PDE6D: variants seen among roughly 807,000 people sequenced by gnomAD.
The protein encoded by PDE6D is phosphodiesterase 6D.
Under a neutral mutation model 21.9 loss-of-function variants are expected in PDE6D, and 10 were observed. That is an observed-to-expected ratio of 0.46 (90% confidence interval 0.28 to 0.78). The LOEUF (loss-of-function observed/expected upper bound fraction) is 0.78, where lower values mean the gene tolerates loss of function less well. PDE6D is among the 30% of genes least tolerant of loss of function. The probability of loss-of-function intolerance (pLI) is 0.12; values close to 1 mark genes in which losing one functional copy is unlikely to be tolerated. For synonymous variants in PDE6D, 59 were observed against 63.5 expected (o/e 0.93, Z 0.34); for missense variants, 139 against 184.8 (o/e 0.75, Z 1.44).
intron 1 of PDE6D, among the ~76,000 whole-genome samples, chr2:231,750,459 T>C (rs1408691405): frequency 6.6e-6 from 1 of 151,530 alleles, no homozygotes; most frequent in Non-Finnish European, 1.5e-5. Flanking sequence ...TGTGAAAATA[T>C]ATGTCTATTT....
At chr2:231,735,828 A>G (rs894889661) in intron 4 of PDE6D, among the ~76,000 whole-genome samples, 7 of 151,882 alleles carry the variant, frequency 4.6e-5, no homozygotes, top group African/African-American at 1.7e-4. Context: ...GTTCGAGACC[A>G]GCTTGACCAA....
intron 1 of PDE6D, among the ~76,000 whole-genome samples, chr2:231,776,192 G>A (rs1198159035): frequency 1.3e-5 from 2 of 151,918 alleles, no homozygotes; most frequent in Non-Finnish European, 2.9e-5. Flanking sequence ...GTGGTGGCAG[G>A]TGCCTGTAAT....
At chr2:231,770,124 G>T (rs2049003062) in intron 1 of PDE6D, among the ~76,000 whole-genome samples, 1 of 152,082 alleles carries the variant, frequency 6.6e-6, no homozygotes, top group African/African-American at 2.4e-5. Flanking sequence ...ACTTCGTTGT[G>T]GGATAAATTT....
At position 231,732,877 on chromosome 2, in the gene PDE6D, G is replaced by A. The variant is rs2048662859; in HGVS notation, c.*75C>T. ...GGTGTATGTGTCAAAAATCAAACGT[G>A]TGGAGGAAAAAAGTAAACAGTTTCC... On this transcript the variant is annotated 3_prime_UTR_variant, in exon 5 of 5. Transcript: ENST00000287600. The A allele has an allele frequency of 3.1e-6, 3 of 961,994 alleles. No homozygotes were observed. Among genetic ancestry groups the A allele is most frequent in the Non-Finnish European group, 5.0e-6 (3 of 598,662 alleles). The allele number at this position is 961,994 out of a possible 1,614,324, so 59.6% of individuals were successfully genotyped here.
In PDE6D at chr2:231,741,244, T is replaced by C. The variant is rs139031300; in HGVS notation, c.51-2056A>G. On this transcript the variant is annotated intron_variant, in intron 1 of 4. Coordinates refer to ENST00000287600, the MANE Select transcript of PDE6D (RefSeq NM_002601.4). ...GTTAAACAAGTCATTATACAAAGGG[T>C]CAAATCAGAATAGGAAAAAAAATCA... Among the ~76,000 whole-genome samples the C allele has an allele frequency of 2.1e-3, 320 of 149,410 alleles. 7 individuals carry two copies. The East Asian group carries it at 0.059, about 27-fold the overall frequency.
intron 1 of PDE6D, among the ~76,000 whole-genome samples, chr2:231,756,791 T>C (rs572308202): frequency 6.6e-6 from 1 of 151,582 alleles, no homozygotes; most frequent in South Asian, 2.1e-4. Flanking sequence ...CAGCCACAGG[T>C]TGCAATCCAA....
At chr2:231,764,809 GAC>G (rs1027339883) in intron 1 of PDE6D, among the ~76,000 whole-genome samples, 2 of 152,200 alleles carry the variant, frequency 1.3e-5, no homozygotes, top group Non-Finnish European at 2.9e-5. Flanking sequence ...AAATTCTACT[GAC>G]ACTATATTAT....
chr2:231,735,734 T>A (rs1574615518), intron 4 of PDE6D, among the ~76,000 whole-genome samples: 1 of 151,324 alleles, frequency 6.6e-6, no homozygotes, highest in Non-Finnish European at 1.5e-5. Context: ...TTAAAAACTT[T>A]AAAAAGGGGC....
rs1036641923 is a variant in PDE6D, at chr2:231,773,272, A to T, written c.50+7793T>A. Among the ~76,000 whole-genome samples, 15 of 152,300 alleles carry T rather than the reference A, an allele frequency of 9.8e-5. No individual in the cohort carries two copies. The South Asian group carries it at 1.5e-3, about 15-fold the overall frequency. ...CCTAAGATAATCAATAGGACATTATATTCATTTAATCCATTCAGGATAACA... is the reference window on the plus strand; with the variant it reads ...CCTAAGATAATCAATAGGACATTATTTTCATTTAATCCATTCAGGATAACA... On this transcript the variant is annotated intron_variant, in intron 1 of 4. Coordinates refer to ENST00000287600, the MANE Select transcript of PDE6D (RefSeq NM_002601.4).
intron 1 of PDE6D, among the ~76,000 whole-genome samples, chr2:231,749,602 G>T (rs2048821961): frequency 6.6e-6 from 1 of 151,058 alleles, no homozygotes; most frequent in African/African-American, 2.4e-5. Context: ...TGTGATCTCA[G>T]CTCACTGCAA....
At chr2:231,736,854 A>G (rs1320472337) in intron 4 of PDE6D, among the ~76,000 whole-genome samples, 2 of 152,206 alleles carry the variant, frequency 1.3e-5, no homozygotes, top group Non-Finnish European at 2.9e-5. Context: ...GACAGAATTA[A>G]TTTCTGTGTT....
In PDE6D at chr2:231,739,965, C is replaced by G. The variant is rs954822080; in HGVS notation, c.51-777G>C. ...TTAAGAAAGCATTTATTATGAAAGACAGACCAAAACAAACTAAAAGAAAAA... is the reference window on the plus strand; with the variant it reads ...TTAAGAAAGCATTTATTATGAAAGAGAGACCAAAACAAACTAAAAGAAAAA... On this transcript the variant is annotated intron_variant, in intron 1 of 4. Coordinates refer to ENST00000287600, the MANE Select transcript of PDE6D (RefSeq NM_002601.4). The surrounding 1 kb of genome is among the most constrained non-coding windows in gnomAD (Gnocchi z 4.2). Among the ~76,000 whole-genome samples the G allele has an allele frequency of 2.6e-5, 4 of 151,920 alleles. No homozygotes were observed. Among genetic ancestry groups the G allele is most frequent in the Non-Finnish European group, 5.9e-5 (4 of 67,986 alleles).
chr2:231,737,945 CTGGGT>C, intron 3 of PDE6D, 63 bp downstream of exon 3: 4 of 1,457,230 alleles, frequency 2.7e-6, no homozygotes, highest in Non-Finnish European at 3.8e-6. Context: ...CTTTAGTTCA[CTGGGT>C]ATTGTTGCCT....
chr2:231,748,938 A>G (rs964943198), intron 1 of PDE6D, among the ~76,000 whole-genome samples: 1 of 152,222 alleles, frequency 6.6e-6, no homozygotes, highest in Non-Finnish European at 1.5e-5. Flanking sequence ...AAATGCCTGG[A>G]TGCCCAGACA....
intron 1 of PDE6D, among the ~76,000 whole-genome samples, chr2:231,758,255 G>T (rs1483672632): frequency 2.0e-5 from 3 of 151,814 alleles, no homozygotes; most frequent in Non-Finnish European, 2.9e-5. Context: ...GATTCTCCTG[G>T]CTTGGACTCC....
At chr2:231,765,146 G>A (rs2048959903) in intron 1 of PDE6D, among the ~76,000 whole-genome samples, 1 of 151,926 alleles carries the variant, frequency 6.6e-6, no homozygotes, top group Non-Finnish European at 1.5e-5. Flanking sequence ...AGTGGTGCGT[G>A]CCTATAGTCC....
chr2:231,771,321 A>C (rs775010419), intron 1 of PDE6D, among the ~76,000 whole-genome samples: 15 of 152,130 alleles, frequency 9.9e-5, no homozygotes, highest in Non-Finnish European at 4.4e-5. Context: ...CAAAAGAATA[A>C]ATTCTCCAGA....
chr2:231,743,863 CAG>C (rs2106265567), intron 1 of PDE6D, among the ~76,000 whole-genome samples: 1 of 152,258 alleles, frequency 6.6e-6, no homozygotes, highest in East Asian at 1.9e-4. Context: ...AGGAAAACAA[CAG>C]ATACTACTGC....
At chr2:231,751,179 C>A (rs749200113) in intron 1 of PDE6D, among the ~76,000 whole-genome samples, 3 of 150,320 alleles carry the variant, frequency 2.0e-5, no homozygotes, top group Non-Finnish European at 3.0e-5. Flanking sequence ...TTTTTTGAGA[C>A]AGGGTCTTGC....
Sources: gnomAD v4.1 joint callset for allele counts (sites outside exome capture counted in the v4.1 genomes callset) on GRCh38, gnomAD v4.1.1 for gene constraint, Gnocchi (gnomAD v3.1) non-coding constraint, MANE v1.5 for transcripts, NCBI Gene and HGNC (gene_info 2026-07-23, HGNC 2026-07-21) for gene names.